Variants in FSTL5 observed in about 807,000 individuals in gnomAD.
The protein encoded by FSTL5 is follistatin like 5.
A neutral mutation model predicts 89.1 loss-of-function variants in FSTL5; 62 were observed. The ratio of observed to expected loss-of-function variants is 0.70; its 90% CI spans 0.57 to 0.86. The LOEUF is 0.86. FSTL5 is among the 40% of genes least tolerant of loss of function. The pLI is 0.00. For synonymous variants in FSTL5, 383 were observed against 346.2 expected, an observed-to-expected ratio of 1.11 and a Z score of -1.18; for missense variants, 1,057 against 1,001.6, an observed-to-expected ratio of 1.06 and a Z score of -0.75.
intron 15 of FSTL5, among the ~76,000 whole-genome samples, chr4:161,437,427 C>T (rs898792016): frequency 6.6e-6 from 1 of 151,542 alleles, no homozygotes; most frequent in East Asian, 1.9e-4. Context: ...ATTCGCCGGG[C>T]GTGGTGGCGG....
At chr4:161,498,528 T>G (rs1357349661) in intron 12 of FSTL5, among the ~76,000 whole-genome samples, 4 of 152,208 alleles carry the variant, frequency 2.6e-5, no homozygotes, top group African/African-American at 9.6e-5. Flanking sequence ...AGTTTTGTGA[T>G]GAAGAGTATG....
chr4:161,695,941 C>G (rs539094243), intron 6 of FSTL5, among the ~76,000 whole-genome samples: 25 of 152,070 alleles, frequency 1.6e-4, no homozygotes, highest in Non-Finnish European at 3.4e-4. Flanking sequence ...TTCCTTTTGC[C>G]ATGCAAAAAC....
chr4:162,136,002 A>G (rs987153285), intron 1 of FSTL5, among the ~76,000 whole-genome samples: 4 of 151,926 alleles, frequency 2.6e-5, no homozygotes, highest in Admixed American at 6.6e-5. Flanking sequence ...GTTGCCATAT[A>G]TATTATCTTT....
chr4:161,502,200 T>C (rs928313943), intron 11 of FSTL5, among the ~76,000 whole-genome samples: 1 of 151,954 alleles, frequency 6.6e-6, no homozygotes, highest in African/African-American at 2.4e-5. Flanking sequence ...TGCATACTTT[T>C]ATTAGGTTGT....
intron 12 of FSTL5, among the ~76,000 whole-genome samples, chr4:161,498,296 CA>C (rs1730162197): frequency 6.6e-6 from 1 of 151,962 alleles, no homozygotes; most frequent in African/African-American, 2.4e-5. Flanking sequence ...TGACATGTTG[CA>C]AAACTGTCAC....
chr4:162,156,250 T>C (rs1401608824), intron 1 of FSTL5, among the ~76,000 whole-genome samples: 2 of 152,132 alleles, frequency 1.3e-5, no homozygotes. Context: ...CAACAGATAC[T>C]GGTGAGGCTG....
chr4:161,475,433 C>T (rs1734103856), intron 13 of FSTL5, among the ~76,000 whole-genome samples: 1 of 152,040 alleles, frequency 6.6e-6, no homozygotes, highest in Non-Finnish European at 1.5e-5. Context: ...ACTTGGTTCA[C>T]TCCTCTTCAG....
At chr4:161,513,272 G>GAGAGAGAGA (rs1730707497) in intron 10 of FSTL5, among the ~76,000 whole-genome samples, 3 of 109,978 alleles carry the variant, frequency 2.7e-5, no homozygotes, top group Admixed American at 2.1e-4. Context: ...ACAAGGAGGG[G>GAGAGAGAGA]GAGAGAGAGA....
At chr4:161,943,655 A>C (rs978103031) in intron 3 of FSTL5, among the ~76,000 whole-genome samples, 5 of 137,488 alleles carry the variant, frequency 3.6e-5, no homozygotes, top group Non-Finnish European at 6.0e-5. Flanking sequence ...TCCAAGGTTC[A>C]TGCCATTCTC....
chr4:161,646,497 A>T (rs936282622), intron 7 of FSTL5, among the ~76,000 whole-genome samples: 15 of 151,924 alleles, frequency 9.9e-5, no homozygotes, highest in Non-Finnish European at 2.2e-4. Flanking sequence ...AATATTCTCT[A>T]TTAAGAATGT....
chr4:161,495,223 G>C (rs1730025008), intron 12 of FSTL5: 1 of 152,116 alleles, frequency 6.6e-6, no homozygotes, highest in South Asian at 2.1e-4. Context: ...GCAGCAGCTA[G>C]ATCTATAACA....
At chr4:161,808,576 G>A (rs778061125) in intron 4 of FSTL5, among the ~76,000 whole-genome samples, 9 of 152,036 alleles carry the variant, frequency 5.9e-5, no homozygotes, top group South Asian at 2.1e-4. Flanking sequence ...GAAAACCTGC[G>A]TGACATTGGA....
chr4:161,698,108 T>C (rs553432843), intron 6 of FSTL5, among the ~76,000 whole-genome samples: 1 of 152,158 alleles, frequency 6.6e-6, no homozygotes, highest in South Asian at 2.1e-4. Context: ...ATTAGTGCCC[T>C]TATAAAAGAC....
intron 13 of FSTL5, among the ~76,000 whole-genome samples, chr4:161,467,229 G>T (rs1578855711): frequency 2.6e-5 from 4 of 151,806 alleles, no homozygotes; most frequent in Admixed American, 2.6e-4. Flanking sequence ...TATAATGTTT[G>T]GGAAATAATT....
At chr4:161,386,528 A>G in intron 15 of FSTL5, 79 bp from the exon 16 acceptor site, 1 of 946,176 alleles carries the variant, frequency 1.1e-6, no homozygotes, top group Non-Finnish European at 1.6e-6. Flanking sequence ...TACAGGTGGA[A>G]AGGTCCATCG....
At chr4:162,143,626 C>T (rs1040861488) in intron 1 of FSTL5, among the ~76,000 whole-genome samples, 3 of 151,800 alleles carry the variant, frequency 2.0e-5, no homozygotes, top group Non-Finnish European at 4.4e-5. Context: ...TATTTTAGGG[C>T]ATCTGGATCT....
intron 7 of FSTL5, among the ~76,000 whole-genome samples, chr4:161,590,544 A>T (rs2126610577): frequency 6.6e-6 from 1 of 152,302 alleles, no homozygotes; most frequent in African/African-American, 2.4e-5. Flanking sequence ...ATCTCAAAAC[A>T]AAACAAAACA....
chr4:161,992,570 C>A (rs2111080124), intron 3 of FSTL5, among the ~76,000 whole-genome samples: 1 of 151,794 alleles, frequency 6.6e-6, no homozygotes, highest in East Asian at 1.9e-4. Flanking sequence ...AAGCAGGGCG[C>A]GGTGGTTCAC....
intron 3 of FSTL5, among the ~76,000 whole-genome samples, chr4:161,992,886 ATATATATATATGTG>A (rs1391072108): frequency 0.035 from 578 of 16,408 alleles, 22 homozygotes; most frequent in African/African-American, 0.072. Context: ...ATATATATAT[ATATATATATATGTG>A]TGTGTATATA....
Sources: gnomAD v4.1 joint callset for allele counts (sites outside exome capture counted in the v4.1 genomes callset) on GRCh38, gnomAD v4.1.1 for gene constraint, MANE v1.5 for transcripts, NCBI Gene and HGNC (gene_info 2026-07-23, HGNC 2026-07-21) for gene names.